Variants in KSR2 observed in about 807,000 individuals in gnomAD.
The protein encoded by KSR2 is kinase suppressor of ras 2.
Under a neutral mutation model 107.8 loss-of-function variants are expected in KSR2, and 25 were observed. The ratio of observed to expected loss-of-function variants is 0.23; its 90% confidence interval spans 0.17 to 0.32. The LOEUF is 0.32. Among genes scored for constraint, KSR2 ranks in the 10% least tolerant of loss-of-function variants. KSR2 has a pLI of 1.00. For synonymous variants in KSR2, 480 were observed against 507.0 expected, an observed-to-expected ratio of 0.95 and a Z score of 0.71; for missense variants, 887 against 1,268.9, an observed-to-expected ratio of 0.70 and a Z score of 4.57.
intron 5 of KSR2, among the ~76,000 whole-genome samples, chr12:117,647,097 GAA>G (rs1196567737): frequency 6.6e-6 from 1 of 152,168 alleles, no homozygotes; most frequent in African/African-American, 2.4e-5. Flanking sequence ...GAAAGTAACA[GAA>G]AAAGAGACTG....
chr12:117,717,685 G>GTA (rs1414741316), intron 4 of KSR2, among the ~76,000 whole-genome samples: 5 of 136,898 alleles, frequency 3.7e-5, no homozygotes, highest in African/African-American at 1.4e-4. Context: ...GTGTGTGTGT[G>GTA]TGTGTGTGTG....
At chr12:117,684,748 T>A (rs1885499628) in intron 4 of KSR2, among the ~76,000 whole-genome samples, 1 of 152,186 alleles carries the variant, frequency 6.6e-6, no homozygotes, top group Non-Finnish European at 1.5e-5. Flanking sequence ...TCATTTGGGG[T>A]TGGAGCAATT....
chr12:117,516,203 C>A (rs1874367913), intron 14 of KSR2, among the ~76,000 whole-genome samples: 1 of 152,174 alleles, frequency 6.6e-6, no homozygotes, highest in Admixed American at 6.5e-5. Context: ...TGACTTCCAT[C>A]ACCATGTCTA....
intron 9 of KSR2, among the ~76,000 whole-genome samples, chr12:117,545,615 G>A (rs1339724159): frequency 1.3e-5 from 2 of 152,148 alleles, no homozygotes; most frequent in Non-Finnish European, 2.9e-5. Flanking sequence ...TGACTGCAGG[G>A]TCTGTAGTGA....
intron 1 of KSR2, among the ~76,000 whole-genome samples, chr12:117,862,739 T>TA (rs1893349401): frequency 6.7e-6 from 1 of 150,110 alleles, no homozygotes; most frequent in South Asian, 2.1e-4. Context: ...TTTTTTTTTT[T>TA]TTTTTTTTGA....
intron 4 of KSR2, among the ~76,000 whole-genome samples, chr12:117,758,021 T>C (rs548430959): frequency 6.6e-6 from 1 of 152,266 alleles, no homozygotes; most frequent in South Asian, 2.1e-4. Context: ...GTCTATTTCA[T>C]TTTTTTAATG....
intron 16 of KSR2, among the ~76,000 whole-genome samples, chr12:117,479,290 A>G (rs1430506884): frequency 6.6e-6 from 1 of 152,242 alleles, no homozygotes; most frequent in Non-Finnish European, 1.5e-5. Context: ...GGCTTACCAC[A>G]GGTATCCCAC....
chr12:117,609,634 G>A (rs1431059958), intron 5 of KSR2, among the ~76,000 whole-genome samples: 4 of 152,202 alleles, frequency 2.6e-5, no homozygotes, highest in Non-Finnish European at 4.4e-5. Flanking sequence ...TGTGTTGTCT[G>A]TGGCTGCTTT....
At chr12:117,541,147 G>A (rs1876457206) in intron 9 of KSR2, among the ~76,000 whole-genome samples, 1 of 151,196 alleles carries the variant, frequency 6.6e-6, no homozygotes, top group East Asian at 1.9e-4. Context: ...AGGAATGGGA[G>A]GCAGGGAGGC....
intron 3 of KSR2, among the ~76,000 whole-genome samples, chr12:117,845,617 G>T (rs1593298200): frequency 6.6e-6 from 1 of 152,022 alleles, no homozygotes; most frequent in Non-Finnish European, 1.5e-5. Flanking sequence ...CTATAATCCG[G>T]GTGAGCTGAT....
intron 4 of KSR2, among the ~76,000 whole-genome samples, chr12:117,688,074 T>A (rs1463524421): frequency 1.7e-5 from 2 of 119,378 alleles, no homozygotes; most frequent in African/African-American, 2.7e-5. Context: ...TAAAGCTGAA[T>A]TCCCTTTTAA....
intron 5 of KSR2, 123 bp downstream of exon 5, chr12:117,667,351 G>T: frequency 1.1e-6 from 1 of 913,408 alleles, no homozygotes; most frequent in Non-Finnish European, 1.7e-6. Context: ...TCTACAGTGA[G>T]CATTTCACAA....
At chr12:117,960,814 T>TC (rs1491283253) in intron 1 of KSR2, among the ~76,000 whole-genome samples, 26 of 142,968 alleles carry the variant, frequency 1.8e-4, no homozygotes, top group Admixed American at 2.0e-4. Flanking sequence ...TTTTTTTTTT[T>TC]CTTGAGACAG....
At chr12:117,657,847 C>A (rs1488434991) in intron 5 of KSR2, among the ~76,000 whole-genome samples, 1 of 152,230 alleles carries the variant, frequency 6.6e-6, no homozygotes, top group Admixed American at 6.5e-5. Flanking sequence ...ATGAACAAGA[C>A]TGACGTAGTC....
chr12:117,939,362 T>C (rs925102814), intron 1 of KSR2, among the ~76,000 whole-genome samples: 5 of 152,196 alleles, frequency 3.3e-5, no homozygotes, highest in African/African-American at 1.2e-4. Flanking sequence ...GACTTGATCA[T>C]TGGTGAATTT....
At chr12:117,869,453 A>G (rs941764690) in intron 1 of KSR2, among the ~76,000 whole-genome samples, 1 of 152,172 alleles carries the variant, frequency 6.6e-6, no homozygotes, top group Non-Finnish European at 1.5e-5. Flanking sequence ...GCAGATCCCC[A>G]TCCCTGGAGG....
At chr12:117,751,638 G>T (rs576402666) in intron 4 of KSR2, among the ~76,000 whole-genome samples, 14 of 152,302 alleles carry the variant, frequency 9.2e-5, no homozygotes, top group African/African-American at 3.4e-4. Flanking sequence ...CAGACACCCT[G>T]GCAGCCATGA....
At position 117,956,026 on chromosome 12, in the gene KSR2, G is replaced by A. The variant is rs910508819; in HGVS notation, c.180+12050C>T. On this transcript the variant is annotated intron_variant, in intron 1 of 19. Coordinates refer to ENST00000339824, the MANE Select transcript of KSR2 (RefSeq NM_173598.6). ...AGCACTTTGGGAGGCCGAGACGGGC[G>A]GATCATGAGGTCAGGAAATCGAGAC... is the stretch of plus-strand genomic sequence containing the variant. Among the ~76,000 whole-genome samples the A allele has an allele frequency of 5.3e-5, 8 of 151,732 alleles. No homozygotes were observed. In the East Asian group the frequency reaches 5.8e-4, roughly 11 times the overall value.
At chr12:117,587,530 G>A (rs138411071) in intron 5 of KSR2, among the ~76,000 whole-genome samples, 1 of 152,242 alleles carries the variant, frequency 6.6e-6, no homozygotes, top group African/African-American at 2.4e-5. Flanking sequence ...CATCCATTTC[G>A]GACTTCTGAC....
Sources: gnomAD v4.1 joint callset for allele counts (sites outside exome capture counted in the v4.1 genomes callset) on GRCh38, gnomAD v4.1.1 for gene constraint, MANE v1.5 for transcripts, NCBI Gene and HGNC (gene_info 2026-07-23, HGNC 2026-07-21) for gene names.